ZNF141: variants seen among roughly 807,000 people sequenced by gnomAD.
ZNF141 encodes zinc finger protein 141 (clone pHZ-44).
Under a neutral mutation model 11.3 loss-of-function variants are expected in ZNF141, and 7 were observed. The ratio of observed to expected loss-of-function variants is 0.62; its 90% CI spans 0.35 to 1.16. The LOEUF is 1.16. Among genes scored for constraint, ZNF141 ranks in the 50% most tolerant of loss-of-function variants. The probability of loss-of-function intolerance (pLI) is 0.02; values close to 1 mark genes in which losing one functional copy is unlikely to be tolerated. For missense variants in ZNF141, 535 were observed against 554.0 expected, an observed-to-expected ratio of 0.97 and a Z score of 0.34; for synonymous variants, 183 against 190.7, an observed-to-expected ratio of 0.96 and a Z score of 0.33.
chr4:343,800 G>C lies in ZNF141; in HGVS notation c.22G>C (p.Asp8His). Residue 8 changes from aspartate (D) to histidine (H), a missense_variant, in exon 2 of 4, where the codon GAT (aspartate) becomes CAT (histidine). By Grantham distance (81) the Asp-to-His change is moderately conservative (BLOSUM62 -1). Coordinates refer to ENST00000240499, the MANE Select transcript of ZNF141 (RefSeq NM_003441.4). MELLTFR[D>H]VAIEFSPEEW... Reference sequence around the variant, plus strand: ...TTTTCAGGAACTCTTAACATTCAGGGATGTGGCCATAGAATTCTCTCCAGA... The same window carrying C: ...TTTTCAGGAACTCTTAACATTCAGGCATGTGGCCATAGAATTCTCTCCAGA... 1 of 1,598,298 alleles carries C rather than the reference G, an allele frequency of 6.3e-7. No individual in the cohort carries two copies.
At chr4:371,128 A>C (rs1712036288) in intron 3 of ZNF141, among the ~76,000 whole-genome samples, 1 of 148,436 alleles carries the variant, frequency 6.7e-6, no homozygotes, top group African/African-American at 2.4e-5. Context: ...TTATATATAT[A>C]TATATATTTT....
intron 3 of ZNF141, among the ~76,000 whole-genome samples, chr4:367,538 G>A (rs185990917): frequency 2.2e-4 from 27 of 124,946 alleles, no homozygotes; most frequent in Middle Eastern, 5.1e-3. Flanking sequence ...TTTTTTTGAT[G>A]TGGAGTCTCA....
chr4:349,942 G>A (rs1197019222), intron 3 of ZNF141, among the ~76,000 whole-genome samples: 1 of 152,112 alleles, frequency 6.6e-6, no homozygotes, highest in African/African-American at 2.4e-5. Flanking sequence ...TTTCTCTTTG[G>A]GTCCCTGATT....
chr4:371,235 A>G (rs1288995788), intron 3 of ZNF141, among the ~76,000 whole-genome samples: 1 of 140,418 alleles, frequency 7.1e-6, no homozygotes, highest in Non-Finnish European at 1.6e-5. Context: ...TTGTTCTGGA[A>G]TTTTTTTTTT....
chr4:344,470 G>T lies in ZNF141; in HGVS notation c.226+40G>T, dbSNP rs781867401. The T allele has an allele frequency of 1.3e-5, 20 of 1,559,984 alleles. No homozygotes were observed. The South Asian group carries it at 2.0e-4, about 16-fold the overall frequency. The stretch of plus-strand genomic sequence containing the variant: ...ATGGAGGAGAGGGCACAGGCAAGGG[G>T]ACCAAAGGTCAAGAAGGAAGCCAGG... On this transcript the variant is annotated intron_variant, in intron 3 of 3. Coordinates refer to ENST00000240499, the MANE Select transcript of ZNF141 (RefSeq NM_003441.4).
intron 3 of ZNF141, among the ~76,000 whole-genome samples, chr4:348,191 AG>A (rs1156658563): frequency 6.6e-6 from 1 of 151,990 alleles, no homozygotes; most frequent in African/African-American, 2.4e-5. Context: ...TCTATTTTGT[AG>A]GGTTTTTAAA....
chr4:373,242 A>G lies in ZNF141; in HGVS notation c.805A>G (p.Thr269Ala), dbSNP rs782250809. 3 of 1,612,772 alleles carry G rather than the reference A, an allele frequency of 1.9e-6. No individual in the cohort carries two copies. The highest frequency in any genetic ancestry group is 2.2e-5 in the East Asian group (1 of 44,754). Residue 269 changes from threonine to alanine, a missense_variant, in exon 4 of 4, where the codon ACC becomes GCC. By Grantham distance (58) the Thr-to-Ala change is moderately conservative (BLOSUM62 0). Coordinates refer to ENST00000240499, the MANE Select transcript of ZNF141 (RefSeq NM_003441.4). ...TGGCAAAGCCTTTAATAGGTTCACA[A>G]CCCTTACTAAACATAAGAGAATTCA... ...ECGKAFNRFT[T>A]LTKHKRIHAG...
intron 1 of ZNF141, chr4:343,084 CA>C: frequency 2.1e-6 from 1 of 465,204 alleles, no homozygotes; most frequent in Admixed American, 3.7e-5. Context: ...AAGTTCCTTG[CA>C]TGATTAAAAA....
chr4:378,557 C>T lies in ZNF141; in HGVS notation c.*4695C>T, dbSNP rs1198973132. ...TACTGGGATTACAGGCATGAGCCAC[C>T]GTGCCTGGCCAGAATATTATATCTT... On this transcript the variant is annotated 3_prime_UTR_variant, in exon 4 of 4. Coordinates refer to ENST00000240499, the MANE Select transcript of ZNF141 (RefSeq NM_003441.4). Among the ~76,000 whole-genome samples, 4 of 152,040 alleles carry T rather than the reference C, an allele frequency of 2.6e-5. No homozygotes were observed. The highest frequency in any genetic ancestry group is 2.1e-4 in the South Asian group (1 of 4,818).
chr4:356,093 C>T (rs61237401), intron 3 of ZNF141, among the ~76,000 whole-genome samples: 9 of 151,632 alleles, frequency 5.9e-5, no homozygotes, highest in East Asian at 2.0e-4. Context: ...TAGCCGGGTG[C>T]GGTGGCGGCT....
chr4:376,464 T>TTATACACTTTAATTATTTCTAAATG lies in ZNF141; in HGVS notation c.*2605_*2629dup, dbSNP rs1331878049. ...ATCCTTTGTATTACACACAATCCAATTATACACTTTAATTATTTCTAAATG... is the reference window on the plus strand; with the variant it reads ...ATCCTTTGTATTACACACAATCCAATTATACACTTTAATTATTTCTAAATGTATACACTTTAATTATTTCTAAATG... On this transcript the variant is annotated 3_prime_UTR_variant, in exon 4 of 4. Transcript: ENST00000240499. 2.6e-5 allele frequency among the ~76,000 whole-genome samples: 4 copies of TTATACACTTTAATTATTTCTAAATG among 152,098 alleles called. No homozygotes were observed. The East Asian group carries it at 7.7e-4, about 29-fold the overall frequency.
chr4:338,301 C>T (rs1720887989), intron 1 of ZNF141: 1 of 364,466 alleles, frequency 2.7e-6, no homozygotes, highest in Non-Finnish European at 5.1e-6. Context: ...GTGGGAGAAG[C>T]TGTGGTCTGG....
Position 374,181 on chromosome 4 carries a change from A to G in ZNF141, c.*319A>G. On this transcript the variant is annotated 3_prime_UTR_variant, in exon 4 of 4. Transcript: ENST00000240499. ...ACAGCCCTCACCGGTGAATAAACAT[A>G]AGAAAAATCATGCTGGAGGGAAGCC... 2.9e-6 allele frequency: 1 copy of G among 350,600 alleles called. No homozygotes were observed. Among genetic ancestry groups the G allele is most frequent in the South Asian group, 3.2e-5 (1 of 31,290 alleles). The allele number at this position is 350,600 out of a possible 1,614,324, so 21.7% of individuals were successfully genotyped here.
chr4:373,418 T>G lies in ZNF141; in HGVS notation c.981T>G (p.Thr327=). The G allele has an allele frequency of 6.2e-7, 1 of 1,614,064 alleles. No homozygotes were observed. The change falls in exon 4 of 4, where the codon ACT becomes ACG. Residue 327 remains threonine, a synonymous_variant. Transcript: ENST00000240499. ...GKAFNRSTTL[T]KHKRIHTGEK... ...CCTTTAATAGGTCCACAACCCTTAC[T>G]AAACATAAGAGAATTCATACTGGAG...
chr4:374,486 T>C lies in ZNF141; in HGVS notation c.*624T>C. 1 of 291,838 alleles carries C rather than the reference T, an allele frequency of 3.4e-6. No homozygotes were observed. The highest frequency in any genetic ancestry group is 3.9e-5 in the South Asian group (1 of 25,806). 18.1% of individuals were successfully genotyped at this position (291,838 alleles called of 1,614,324 possible). On this transcript the variant is annotated 3_prime_UTR_variant, in exon 4 of 4. Coordinates refer to ENST00000240499, the MANE Select transcript of ZNF141 (RefSeq NM_003441.4). ...GTAAAGAATGTGGCAAAGCCTTCAATAGGTTCTCAACCCTTACTGTGCACA... is the reference window on the plus strand; with the variant it reads ...GTAAAGAATGTGGCAAAGCCTTCAACAGGTTCTCAACCCTTACTGTGCACA...
At position 384,345 on chromosome 4, in the gene ZNF141, AAGG is replaced by A. The variant is rs1347429487; in HGVS notation, c.*10487_*10489del. 6.6e-6 allele frequency: 1 copy of A among 152,274 alleles called. No homozygotes were observed. The highest frequency in any genetic ancestry group is 2.4e-5 in the African/African-American group (1 of 41,428). The allele number at this position is 152,274 out of a possible 1,614,324, so 9.4% of individuals were successfully genotyped here. ...TTGAAAAGAAGAGGAACCCCTGAGA[AAGG>A]AGGCAGAGGCTGGTTAGGAAGATAG... is the stretch of plus-strand genomic sequence containing the variant. On this transcript the variant is annotated 3_prime_UTR_variant, in exon 4 of 4. Transcript: ENST00000240499.
At chr4:350,243 G>C (rs556902336) in intron 3 of ZNF141, 2 of 534,102 alleles carry the variant, frequency 3.7e-6, no homozygotes, top group East Asian at 1.1e-4. Flanking sequence ...GTGAGGGCCT[G>C]CTTATTCTAA....
chr4:352,972 G>T (rs782515340), intron 3 of ZNF141, among the ~76,000 whole-genome samples: 30 of 152,240 alleles, frequency 2.0e-4, no homozygotes, highest in Non-Finnish European at 3.5e-4. Context: ...CTGAACTTGT[G>T]GGGTCTGTGC....
chr4:338,882 C>T (rs73064387), intron 1 of ZNF141, among the ~76,000 whole-genome samples: 8,052 of 152,314 alleles, frequency 0.053, 302 homozygotes, highest in African/African-American at 0.11. Flanking sequence ...ATGGCTGAGC[C>T]TGGGCTGGAG....
Sources: gnomAD v4.1 joint callset for allele counts (sites outside exome capture counted in the v4.1 genomes callset) on GRCh38, gnomAD v4.1.1 for gene constraint, MANE v1.5 for transcripts, NCBI Gene and HGNC (gene_info 2026-07-23, HGNC 2026-07-21) for gene names.